The following OLFM3 variants were observed in gnomAD, a reference collection of about 807,000 sequenced individuals.
OLFM3 encodes noelin-3.
Under a neutral mutation model 48.6 loss-of-function variants are expected in OLFM3, and 20 were observed. The observed-to-expected ratio is 0.41, with a 90% CI of 0.29 to 0.60. OLFM3 has a LOEUF of 0.60. Among genes scored for constraint, OLFM3 ranks in the 20% least tolerant of loss-of-function variants. The pLI, the probability that OLFM3 is intolerant of heterozygous loss-of-function variation, is 0.28. For synonymous variants in OLFM3, 222 were observed against 198.1 expected (o/e 1.12, Z -1.01); for missense variants, 437 against 544.3 (o/e 0.80, Z 1.96).
intron 1 of OLFM3, among the ~76,000 whole-genome samples, chr1:101,887,669 T>C (rs1657817216): frequency 6.6e-6 from 1 of 152,032 alleles, no homozygotes; most frequent in African/African-American, 2.4e-5. Flanking sequence ...AATACTTACT[T>C]TCCAAAATAA....
rs747049925 is a variant in OLFM3, at chr1:101,898,371, G to T, written c.70-61346C>A. Among the ~76,000 whole-genome samples, 4 of 152,088 alleles carry T rather than the reference G, an allele frequency of 2.6e-5. No homozygotes were observed. The South Asian group carries it at 6.2e-4, about 24-fold the overall frequency. On this transcript the variant is annotated intron_variant, in intron 1 of 5. Transcript: ENST00000370103. The stretch of plus-strand genomic sequence containing the variant: ...GCAGATTGAGGATTTAGTTTCTGAT[G>T]GATTCCAAACGCATACAGCTTTATC...
rs1031385075 is a variant in OLFM3, at chr1:101,925,704, T to G, written c.69+71044A>C. 8.6e-5 allele frequency among the ~76,000 whole-genome samples: 13 copies of G among 151,890 alleles called. No homozygotes were observed. The East Asian group carries it at 1.4e-3, about 16-fold the overall frequency. ...CGGCTAATTAATTAATTCTTTTTTT[T>G]TTTTGGTAGAGAAGGGGTTTCTGTA... On this transcript the variant is annotated intron_variant, in intron 1 of 5. Transcript: ENST00000370103.
At chr1:101,816,673 A>G (rs968452766) in intron 4 of OLFM3, among the ~76,000 whole-genome samples, 8 of 152,188 alleles carry the variant, frequency 5.3e-5, no homozygotes, top group Non-Finnish European at 8.8e-5. Context: ...CCTCATCTAT[A>G]AAATGAAAAT....
chr1:101,828,016 C>CTCTCTCTCTCTGTCTGTCTG (rs1269366073), intron 3 of OLFM3, among the ~76,000 whole-genome samples: 4 of 93,372 alleles, frequency 4.3e-5, no homozygotes, highest in East Asian at 2.4e-4. Flanking sequence ...CATGCTCTCT[C>CTCTCTCTCTCTGTCTGTCTG]TCTCTCTCTC....
intron 1 of OLFM3, among the ~76,000 whole-genome samples, chr1:101,917,709 G>A (rs553606191): frequency 1.3e-5 from 2 of 152,234 alleles, no homozygotes; most frequent in African/African-American, 2.4e-5. Context: ...GAGCCACAAC[G>A]TCCAGCCCAT....
chr1:101,968,337 T>G (rs1175928773), intron 1 of OLFM3, among the ~76,000 whole-genome samples: 1 of 152,122 alleles, frequency 6.6e-6, no homozygotes, highest in Non-Finnish European at 1.5e-5. Flanking sequence ...TGCAAGAGAT[T>G]TCCAAGTCAG....
intron 2 of OLFM3, among the ~76,000 whole-genome samples, chr1:101,836,240 T>C (rs976707627): frequency 1.3e-5 from 2 of 152,198 alleles, no homozygotes; most frequent in African/African-American, 4.8e-5. Context: ...GACAGAACGA[T>C]TCATTGGTTT....
chr1:101,844,462 G>A (rs1655884602), intron 1 of OLFM3, among the ~76,000 whole-genome samples: 2 of 152,180 alleles, frequency 1.3e-5, no homozygotes, highest in Admixed American at 1.3e-4. Flanking sequence ...AAATAGCTTT[G>A]TTGAGTAGGG....
chr1:101,818,913 G>A (rs1654468544), intron 4 of OLFM3, among the ~76,000 whole-genome samples: 1 of 152,098 alleles, frequency 6.6e-6, no homozygotes, highest in Non-Finnish European at 1.5e-5. Flanking sequence ...TTTGTCCACT[G>A]TGTTTCAGGT....
chr1:101,844,010 G>T (rs1342659181), intron 1 of OLFM3, among the ~76,000 whole-genome samples: 1 of 152,112 alleles, frequency 6.6e-6, no homozygotes, highest in Admixed American at 6.5e-5. Flanking sequence ...GAGAAGAGCT[G>T]GTTTACTACT....
intron 1 of OLFM3, among the ~76,000 whole-genome samples, chr1:101,944,883 A>C (rs1200857787): frequency 2.0e-5 from 3 of 150,772 alleles, no homozygotes; most frequent in Admixed American, 1.3e-4. Flanking sequence ...CCACCTCAAA[A>C]AAAAAAAAAA....
In OLFM3 at chr1:101,956,103, T is replaced by TA. The variant is rs1553183053; in HGVS notation, c.69+40644dup. On this transcript the variant is annotated intron_variant, in intron 1 of 5. Coordinates refer to ENST00000370103, the MANE Select transcript of OLFM3 (RefSeq NM_058170.4). The stretch of plus-strand genomic sequence containing the variant: ...AATAACAGGTTTTTTTTTTTTTTTT[T>TA]AAAAAAAACCTTTACAGAATTTTCT... Among the ~76,000 whole-genome samples, 1,268 of 143,316 alleles carry TA rather than the reference T, an allele frequency of 8.8e-3. 10 individuals are homozygous for TA. The highest frequency in any genetic ancestry group is 0.012 in the Non-Finnish European group (799 of 66,220). The allele number at this position is 143,316 out of a possible 152,430, so 94.0% of individuals were successfully genotyped here.
intron 1 of OLFM3, among the ~76,000 whole-genome samples, chr1:101,951,482 A>G (rs1436170927): frequency 6.6e-6 from 1 of 152,190 alleles, no homozygotes; most frequent in East Asian, 1.9e-4. Context: ...TGAACTAATC[A>G]TCGGAATGAT....
chr1:101,867,308 A>G (rs763500386), intron 1 of OLFM3, among the ~76,000 whole-genome samples: 34 of 152,208 alleles, frequency 2.2e-4, no homozygotes, highest in Admixed American at 2.2e-3. Flanking sequence ...GCATTTTGCT[A>G]TAAGAACCTC....
chr1:101,942,938 A>G (rs1327349026), intron 1 of OLFM3, among the ~76,000 whole-genome samples: 2 of 152,112 alleles, frequency 1.3e-5, no homozygotes, highest in Non-Finnish European at 2.9e-5. Context: ...AATTCTATTT[A>G]TTTCATTTTA....
chr1:101,905,873 A>G (rs951395414), intron 1 of OLFM3, among the ~76,000 whole-genome samples: 2 of 152,116 alleles, frequency 1.3e-5, no homozygotes, highest in East Asian at 1.9e-4. Context: ...GCAGAGAACC[A>G]CAATTCTCAG....
chr1:101,854,606 G>T (rs1465961765), intron 1 of OLFM3, among the ~76,000 whole-genome samples: 2 of 152,026 alleles, frequency 1.3e-5, no homozygotes, highest in African/African-American at 4.8e-5. Flanking sequence ...AACGAAGAAT[G>T]CAGAGTGGTG....
intron 4 of OLFM3, among the ~76,000 whole-genome samples, chr1:101,811,571 C>T (rs1037570090): frequency 6.6e-6 from 1 of 152,022 alleles, no homozygotes; most frequent in Admixed American, 6.6e-5. Context: ...ATGCAGCCAA[C>T]AGACATATGA....
intron 1 of OLFM3, among the ~76,000 whole-genome samples, chr1:101,961,619 T>C (rs1660469611): frequency 6.6e-6 from 1 of 152,158 alleles, no homozygotes; most frequent in Admixed American, 6.6e-5. Context: ...TGTTCTGATT[T>C]CTAATCTTGT....
Sources: gnomAD v4.1 joint callset for allele counts (sites outside exome capture counted in the v4.1 genomes callset) on GRCh38, gnomAD v4.1.1 for gene constraint, MANE v1.5 for transcripts, NCBI Gene and HGNC (gene_info 2026-07-23, HGNC 2026-07-21) for gene names.